The following ZNF385D variants were observed in gnomAD, a reference collection of about 807,000 sequenced individuals.
ZNF385D encodes zinc finger protein 659.
A neutral mutation model predicts 35.8 loss-of-function variants in ZNF385D; 15 were observed. The ratio of observed to expected loss-of-function variants is 0.42; its 90% CI spans 0.28 to 0.64. The LOEUF (loss-of-function observed/expected upper bound fraction) is 0.64. Among genes scored for constraint, ZNF385D ranks in the 30% least tolerant of loss-of-function variants. The pLI, the probability that ZNF385D is intolerant of heterozygous loss-of-function variation, is 0.23. For synonymous variants in ZNF385D, 212 were observed against 186.8 expected (o/e 1.13, Z -1.10); for missense variants, 474 against 494.6 (o/e 0.96, Z 0.39).
intron 2 of ZNF385D, among the ~76,000 whole-genome samples, chr3:22,245,934 T>G (rs1699753045): frequency 6.6e-6 from 1 of 152,106 alleles, no homozygotes. Flanking sequence ...TTAGATTAAG[T>G]GTCATGGCTT....
chr3:21,739,329 C>G (rs780183023), intron 1 of ZNF385D, among the ~76,000 whole-genome samples: 42 of 152,302 alleles, frequency 2.8e-4, no homozygotes, highest in Admixed American at 6.5e-4. Context: ...CTCTCTTTCT[C>G]TCCACGGACA....
chr3:21,656,260 C>T (rs1382249594), intron 2 of ZNF385D, among the ~76,000 whole-genome samples: 1 of 151,912 alleles, frequency 6.6e-6, no homozygotes. Context: ...TATCCTTTTC[C>T]TATTAAGGGT....
intron 3 of ZNF385D, among the ~76,000 whole-genome samples, chr3:21,972,327 G>T (rs1325715036): frequency 6.6e-6 from 1 of 151,948 alleles, no homozygotes; most frequent in Non-Finnish European, 1.5e-5. Flanking sequence ...ATATGGTCCT[G>T]AATGACCAGT....
At chr3:21,486,112 C>T (rs1347141462) in intron 4 of ZNF385D, among the ~76,000 whole-genome samples, 1 of 136,050 alleles carries the variant, frequency 7.4e-6, no homozygotes, top group Non-Finnish European at 1.6e-5. Flanking sequence ...AGAAGTTGGC[C>T]GTCTCTGAAA....
intron 1 of ZNF385D, among the ~76,000 whole-genome samples, chr3:21,746,675 G>A (rs778190579): frequency 1.3e-5 from 2 of 152,202 alleles, no homozygotes; most frequent in African/African-American, 4.8e-5. Flanking sequence ...CGGGGAGATA[G>A]AAACAGTGGC....
At chr3:22,198,167 A>G (rs1696545470) in intron 2 of ZNF385D, among the ~76,000 whole-genome samples, 1 of 149,174 alleles carries the variant, frequency 6.7e-6, no homozygotes, top group African/African-American at 2.4e-5. Flanking sequence ...ATTTAAGACA[A>G]GAGTGTCAAA....
At chr3:22,236,610 T>C (rs1263453443) in intron 2 of ZNF385D, among the ~76,000 whole-genome samples, 1 of 152,174 alleles carries the variant, frequency 6.6e-6, no homozygotes, top group Non-Finnish European at 1.5e-5. Flanking sequence ...ATTCAGAGAT[T>C]CTCAGTATAT....
intron 4 of ZNF385D, among the ~76,000 whole-genome samples, chr3:21,481,865 A>AT (rs1389664457): frequency 6.6e-6 from 1 of 152,080 alleles, no homozygotes; most frequent in Non-Finnish European, 1.5e-5. Context: ...ATCTAGTTCT[A>AT]TTTTTTGAAG....
chr3:21,681,316 A>AAAAAAAAAAAACAAAAAAAAAC (rs1334410224), intron 1 of ZNF385D, among the ~76,000 whole-genome samples: 2 of 141,674 alleles, frequency 1.4e-5, no homozygotes, highest in Non-Finnish European at 3.2e-5. Flanking sequence ...AAAAAAAAAA[A>AAAAAAAAAAAACAAAAAAAAAC]AAAAAAAACC....
chr3:22,240,899 G>A (rs1699458413), intron 2 of ZNF385D, among the ~76,000 whole-genome samples: 1 of 150,734 alleles, frequency 6.6e-6, no homozygotes, highest in Non-Finnish European at 1.5e-5. Flanking sequence ...TTCATATTAA[G>A]TACATGCTTC....
At chr3:21,878,979 G>T (rs904948808) in intron 3 of ZNF385D, among the ~76,000 whole-genome samples, 1 of 151,964 alleles carries the variant, frequency 6.6e-6, no homozygotes, top group South Asian at 2.1e-4. Context: ...GAGAGCAGGA[G>T]GGTAGGACAG....
intron 3 of ZNF385D, among the ~76,000 whole-genome samples, chr3:22,119,496 T>C (rs957408031): frequency 1.3e-5 from 2 of 152,144 alleles, no homozygotes; most frequent in Non-Finnish European, 2.9e-5. Flanking sequence ...TATCACCTTT[T>C]ATTGCTCTAT....
intron 2 of ZNF385D, among the ~76,000 whole-genome samples, chr3:22,369,360 T>C (rs1211602163): frequency 1.3e-5 from 2 of 152,178 alleles, no homozygotes; most frequent in Admixed American, 6.5e-5. Flanking sequence ...AAGACTCCCA[T>C]TGTCATGAAA....
chr3:22,204,914 A>T (rs937465827), intron 2 of ZNF385D, among the ~76,000 whole-genome samples: 1 of 150,128 alleles, frequency 6.7e-6, no homozygotes, highest in Admixed American at 6.7e-5. Context: ...TAAAGAGAGG[A>T]TAGAGAGAGA....
rs149530435 is a variant in ZNF385D at position 22,059,887 on chromosome 3, T to C, written c.325+108930A>G. Among the ~76,000 whole-genome samples, 947 of 152,258 alleles carry C rather than the reference T, an allele frequency of 6.2e-3. 6 individuals carry two copies. Among genetic ancestry groups the C allele is most frequent in the Middle Eastern group, 0.01 (3 of 292 alleles). On this transcript the variant is annotated intron_variant, in intron 3 of 5. Transcript: ENST00000494108. ...TTAGCATTTGACTCAGTAGACTGAA[T>C]AAAGAAGATCCACCTTCACCAATGT...
At chr3:21,795,498 G>A (rs2072109493) in intron 3 of ZNF385D, among the ~76,000 whole-genome samples, 1 of 152,184 alleles carries the variant, frequency 6.6e-6, no homozygotes, top group Non-Finnish European at 1.5e-5. Context: ...CAGTGAGGGA[G>A]ACAATGTACT....
At chr3:22,024,701 C>T (rs1271153676) in intron 3 of ZNF385D, among the ~76,000 whole-genome samples, 1 of 152,080 alleles carries the variant, frequency 6.6e-6, no homozygotes, top group Non-Finnish European at 1.5e-5. Context: ...ACTCCTGATT[C>T]ACCGCTTGTG....
At chr3:22,087,167 T>C (rs1701090166) in intron 3 of ZNF385D, among the ~76,000 whole-genome samples, 1 of 152,280 alleles carries the variant, frequency 6.6e-6, no homozygotes, top group East Asian at 1.9e-4. Context: ...TTATTTGATG[T>C]CACAAATTAC....
intron 3 of ZNF385D, among the ~76,000 whole-genome samples, chr3:21,907,131 A>G (rs1575883523): frequency 6.6e-6 from 1 of 152,136 alleles, no homozygotes; most frequent in Non-Finnish European, 1.5e-5. Flanking sequence ...ACACCTCTTC[A>G]ATAGGCAGTC....
Sources: allele counts gnomAD v4.1 joint callset (sites outside exome capture counted in the v4.1 genomes callset), GRCh38; gene constraint gnomAD v4.1.1; transcripts MANE v1.5; gene names NCBI Gene and HGNC (gene_info 2026-07-23, HGNC 2026-07-21).